The following SESN1 variants were observed in gnomAD, a reference collection of about 807,000 sequenced individuals.
SESN1 encodes sestrin-1.
In SESN1, 30 loss-of-function variants were observed where a neutral mutation model predicts 59.3. The ratio of observed to expected loss-of-function variants is 0.51; its 90% CI spans 0.38 to 0.69. SESN1 has a LOEUF of 0.69. Ranked by LOEUF, SESN1 falls within the 30% of genes least tolerant of loss-of-function variation. The pLI is 0.00. For synonymous variants in SESN1, 197 were observed against 219.9 expected, an observed-to-expected ratio of 0.90 and a Z score of 0.92; for missense variants, 566 against 673.0, an observed-to-expected ratio of 0.84 and a Z score of 1.76.
At chr6:109,046,992 G>C (rs1372796228) in intron 1 of SESN1, among the ~76,000 whole-genome samples, 1 of 74,294 alleles carries the variant, frequency 1.3e-5, no homozygotes, top group Non-Finnish European at 2.7e-5. Flanking sequence ...GGAGGGAGGT[G>C]GGGGGGGTCA....
chr6:109,015,005 G>C (rs1382924912), intron 1 of SESN1, among the ~76,000 whole-genome samples: 3 of 152,074 alleles, frequency 2.0e-5, no homozygotes, highest in African/African-American at 7.2e-5. Context: ...CAATGTCCTA[G>C]TGCCCTGCAC....
chr6:109,009,355 G>A (rs1467927997), intron 1 of SESN1: 52 of 1,470,102 alleles, frequency 3.5e-5, no homozygotes, highest in Non-Finnish European at 4.4e-5. Flanking sequence ...CCTCGCCCAG[G>A]TACCTCGTCC....
intron 1 of SESN1, among the ~76,000 whole-genome samples, chr6:109,046,395 C>G (rs907572084): frequency 1.3e-5 from 2 of 151,478 alleles, no homozygotes; most frequent in African/African-American, 4.9e-5. Context: ...CTCAATGGTG[C>G]CCAGGCTGGA....
chr6:109,093,915 A>T lies in SESN1; in HGVS notation c.159T>A (p.Leu53=), dbSNP rs1781399572. Residue 53 remains leucine (L), a synonymous_variant, in exon 1 of 10, where the codon CTT becomes CTA. Transcript: ENST00000436639. The part of the protein sequence containing the change: ...KETPHRPSDG[L]SNTESSDGLN... Reference sequence around the variant, plus strand: ...ACCCATCCGAAGACTCGGTATTTGAAAGCCCGTCTGATGGACGATGAGGTG... The same window carrying T: ...ACCCATCCGAAGACTCGGTATTTGATAGCCCGTCTGATGGACGATGAGGTG... 6.2e-7 allele frequency: 1 copy of T among 1,614,228 alleles called. No individual in the cohort carries two copies. Among genetic ancestry groups the T allele is most frequent in the East Asian group, 2.2e-5 (1 of 44,884 alleles).
intron 1 of SESN1, among the ~76,000 whole-genome samples, chr6:109,007,756 G>A (rs192661794): frequency 6.9e-6 from 1 of 144,490 alleles, no homozygotes; most frequent in East Asian, 2.0e-4. Context: ...ATACTAATAG[G>A]TAATTCAGAA....
intron 1 of SESN1, among the ~76,000 whole-genome samples, chr6:109,034,044 G>A (rs1000790353): frequency 6.6e-6 from 1 of 152,182 alleles, no homozygotes; most frequent in African/African-American, 2.4e-5. Flanking sequence ...GAGAGCCACA[G>A]GATTACATGA....
chr6:109,010,849 C>T (rs1326816574), intron 1 of SESN1, among the ~76,000 whole-genome samples: 2 of 152,148 alleles, frequency 1.3e-5, no homozygotes, highest in African/African-American at 2.4e-5. Flanking sequence ...CCCACTCAGC[C>T]GTAAGCAAAT....
At chr6:109,022,529 TCTC>T (rs1780028936) in intron 1 of SESN1, among the ~76,000 whole-genome samples, 1 of 148,624 alleles carries the variant, frequency 6.7e-6, no homozygotes, top group South Asian at 2.2e-4. Context: ...TTCATGCCAT[TCTC>T]CTGCCTCAGC....
intron 1 of SESN1, among the ~76,000 whole-genome samples, chr6:109,079,964 A>G (rs1466290359): frequency 1.3e-5 from 2 of 152,228 alleles, no homozygotes; most frequent in African/African-American, 4.8e-5. Context: ...TTTTCTTTTT[A>G]GCTATAAACA....
chr6:108,998,844 A>G (rs1779556346), intron 4 of SESN1, 89 bp from the exon 5 acceptor site: 1 of 1,399,680 alleles, frequency 7.1e-7, no homozygotes, highest in African/African-American at 1.4e-5. Context: ...TATTGAAAAC[A>G]TGAGTCATCA....
chr6:109,008,171 T>G (rs1779772979), intron 1 of SESN1, among the ~76,000 whole-genome samples: 1 of 152,206 alleles, frequency 6.6e-6, no homozygotes, highest in Non-Finnish European at 1.5e-5. Context: ...TCTTTAGAAA[T>G]TCTAGATCTG....
At chr6:109,075,430 C>T (rs1721677071) in intron 1 of SESN1, among the ~76,000 whole-genome samples, 1 of 152,122 alleles carries the variant, frequency 6.6e-6, no homozygotes, top group Non-Finnish European at 1.5e-5. Context: ...CTATAAAAGA[C>T]TGTGATTTCT....
intron 1 of SESN1, among the ~76,000 whole-genome samples, chr6:109,039,569 A>G (rs1780306734): frequency 6.6e-6 from 1 of 152,244 alleles, no homozygotes; most frequent in South Asian, 2.1e-4. Flanking sequence ...GGCTATCTTT[A>G]TCTTGATAAG....
At chr6:109,068,429 T>C (rs1780871394) in intron 1 of SESN1, among the ~76,000 whole-genome samples, 1 of 151,936 alleles carries the variant, frequency 6.6e-6, no homozygotes, top group Non-Finnish European at 1.5e-5. Context: ...ATAGAAGAAC[T>C]GAATAATAGA....
At chr6:108,990,614 ATC>A in intron 8 of SESN1, 29 bp downstream of exon 8, 1 of 1,606,404 alleles carries the variant, frequency 6.2e-7, no homozygotes, top group Non-Finnish European at 8.5e-7. Context: ...AGAGGAAAAC[ATC>A]TCTTTATAAA....
At chr6:108,996,030 A>G (rs1313425862) in intron 5 of SESN1, among the ~76,000 whole-genome samples, 1 of 152,194 alleles carries the variant, frequency 6.6e-6, no homozygotes, top group Non-Finnish European at 1.5e-5. Context: ...ATCATAATTT[A>G]TAATTGTTAC....
intron 1 of SESN1, among the ~76,000 whole-genome samples, chr6:109,082,821 C>A (rs1422045119): frequency 6.6e-6 from 1 of 152,184 alleles, no homozygotes; most frequent in Non-Finnish European, 1.5e-5. Flanking sequence ...GAAAGTCAAT[C>A]ACGTAAAAAT....
chr6:108,998,163 C>G (rs1779539214), intron 5 of SESN1, among the ~76,000 whole-genome samples: 1 of 152,178 alleles, frequency 6.6e-6, no homozygotes, highest in Admixed American at 6.5e-5. Flanking sequence ...TCTCCACCAC[C>G]AGGCCACACT....
At chr6:109,035,835 T>C (rs1239477578) in intron 1 of SESN1, among the ~76,000 whole-genome samples, 2 of 152,154 alleles carry the variant, frequency 1.3e-5, no homozygotes, top group Non-Finnish European at 2.9e-5. Flanking sequence ...CTCAAACTCC[T>C]GGCCTCAAGT....
Sources: allele counts gnomAD v4.1 joint callset (sites outside exome capture counted in the v4.1 genomes callset), GRCh38; gene constraint gnomAD v4.1.1; transcripts MANE v1.5; gene names NCBI Gene and HGNC (gene_info 2026-07-23, HGNC 2026-07-21).